The following CNR1 variants were observed in gnomAD, a reference collection of about 807,000 sequenced individuals.
The protein encoded by CNR1 is cannabinoid receptor 1, also known as cannabinoid receptor 1 (brain).
A neutral mutation model predicts 23.0 loss-of-function variants in CNR1; 10 were observed. The observed-to-expected ratio is 0.43, with a 90% CI of 0.27 to 0.74. The LOEUF is 0.74. Among genes scored for constraint, CNR1 ranks in the 30% least tolerant of loss-of-function variants. The pLI is 0.19. For missense variants in CNR1, 422 were observed against 618.8 expected (o/e 0.68, Z 3.37); for synonymous variants, 271 against 255.2 (o/e 1.06, Z -0.59).
chr6:88,155,556 AC>A (rs1463912034), intron 1 of CNR1, among the ~76,000 whole-genome samples: 3 of 152,102 alleles, frequency 2.0e-5, no homozygotes, highest in Non-Finnish European at 4.4e-5. Flanking sequence ...TTAATAAGAC[AC>A]CCTTTCATTC....
chr6:88,166,862 C>CA (rs1409119004), upstream of CNR1, among the ~76,000 whole-genome samples: 1 of 151,306 alleles, frequency 6.6e-6, no homozygotes, highest in East Asian at 2.0e-4. Flanking sequence ...CTCGCGCCCC[C>CA]TCCCTCCGCG....
intron 1 of CNR1, among the ~76,000 whole-genome samples, chr6:88,155,635 T>C (rs1315707694): frequency 1.3e-5 from 2 of 152,218 alleles, no homozygotes; most frequent in African/African-American, 4.8e-5. Flanking sequence ...GATAATTTTA[T>C]ACAGTAAACA....
intron 1 of CNR1, among the ~76,000 whole-genome samples, chr6:88,162,732 C>T (rs1213449780): frequency 2.0e-5 from 3 of 152,174 alleles, no homozygotes; most frequent in Admixed American, 6.5e-5. Flanking sequence ...TACCAGTCTT[C>T]AGTATATAAG....
chr6:88,151,839 T>C (rs1224847366), intron 1 of CNR1, among the ~76,000 whole-genome samples: 1 of 152,072 alleles, frequency 6.6e-6, no homozygotes, highest in Non-Finnish European at 1.5e-5. Flanking sequence ...TATCCAGCCA[T>C]TTGAGAAACT....
chr6:88,155,861 T>C (rs181539434), intron 1 of CNR1, among the ~76,000 whole-genome samples: 1 of 152,346 alleles, frequency 6.6e-6, no homozygotes. Context: ...AGGTGTTTTT[T>C]TGCTTCATTA....
chr6:88,160,433 TTC>T, intron 1 of CNR1, among the ~76,000 whole-genome samples: 1 of 151,202 alleles, frequency 6.6e-6, no homozygotes, highest in Non-Finnish European at 1.5e-5. Flanking sequence ...TTTTTTTCTT[TTC>T]TTTTTTTTTT....
In CNR1 at chr6:88,144,573, C is replaced by A. The variant is rs1291143537; in HGVS notation, c.702G>T (p.Val234=). Residue 234 remains valine, a synonymous_variant, in exon 2 of 2, where the codon GTG becomes GTT. Coordinates refer to ENST00000369501, the MANE Select transcript of CNR1 (RefSeq NM_016083.6). The surrounding 1 kb of genome is among the most constrained non-coding windows in gnomAD (Gnocchi z 7.8). ...YKRIVTRPKA[V]VAFCLMWTIA... ...TGGTCCACATCAGGCAAAACGCCAC[C>A]ACGGCCTTGGGCCTGGTGACAATCC... is the stretch of plus-strand genomic sequence containing the variant. 6.2e-7 allele frequency: 1 copy of A among 1,614,102 alleles called. No homozygotes were observed. The highest frequency in any genetic ancestry group is 1.3e-5 in the African/African-American group (1 of 74,948).
At position 88,145,112 on chromosome 6, in the gene CNR1, C is replaced by T. The variant is rs370946660; in HGVS notation, c.163G>A (p.Gly55Arg). The T allele has an allele frequency of 1.2e-6, 2 of 1,614,140 alleles. No homozygotes were observed. Among genetic ancestry groups the T allele is most frequent in the Non-Finnish European group, 1.7e-6 (2 of 1,180,030 alleles). Residue 55 changes from glycine (G) to arginine (R), a missense_variant, in exon 2 of 2, where the codon GGA becomes AGA. Transcript: ENST00000369501. ...GTCATCTTCTCTTGGAAGGGACTTC[C>T]CCTAAAGGAAGTTAAAGGGAATTTC... ...PQKFPLTSFR[G>R]SPFQEKMTAG...
intron 1 of CNR1, among the ~76,000 whole-genome samples, chr6:88,145,810 A>G (rs1323434307): frequency 6.6e-6 from 1 of 152,200 alleles, no homozygotes. Context: ...TTGTCAGACA[A>G]ATGAGACTAA....
Position 88,166,118 on chromosome 6 carries a change from G to C in CNR1, c.-379C>G, listed in dbSNP as rs1391791476. The C allele has an allele frequency of 1.3e-5, 2 of 152,120 alleles. No homozygotes were observed. Among genetic ancestry groups the C allele is most frequent in the African/African-American group, 4.8e-5 (2 of 41,438 alleles). 9.4% of individuals were successfully genotyped at this position (152,120 alleles called of 1,614,324 possible). On this transcript the variant is annotated 5_prime_UTR_variant, in exon 1 of 2. Coordinates refer to ENST00000369501, the MANE Select transcript of CNR1 (RefSeq NM_016083.6). ...CGGCGGGCGGTCAGCAAGTCAGTCC[G>C]TCCGAGCGCCGGCGTCCCGGTCTCC...
At chr6:88,166,744 A>T (rs964352249), upstream of CNR1, among the ~76,000 whole-genome samples, 3 of 152,020 alleles carry the variant, frequency 2.0e-5, no homozygotes, top group African/African-American at 7.2e-5. Flanking sequence ...GGCAGCGCGC[A>T]TCGCCAACAC....
chr6:88,152,186 G>A (rs1394149390), intron 1 of CNR1, among the ~76,000 whole-genome samples: 1 of 141,400 alleles, frequency 7.1e-6, no homozygotes, highest in East Asian at 2.0e-4. Context: ...CTGCACTCCA[G>A]CCTGGGCGAC....
chr6:88,167,059 G>C (rs887394847), upstream of CNR1, among the ~76,000 whole-genome samples: 27 of 151,970 alleles, frequency 1.8e-4, no homozygotes, highest in East Asian at 3.9e-4. Flanking sequence ...GCCCTTTCCC[G>C]GCGAGACCAC....
rs2127823592 is a variant in CNR1 at position 88,143,015 on chromosome 6, CG to C, written c.*840del. On this transcript the variant is annotated 3_prime_UTR_variant, in exon 2 of 2. Coordinates refer to ENST00000369501, the MANE Select transcript of CNR1 (RefSeq NM_016083.6). Reference sequence around the variant, plus strand: ...AAAGACTAAAGAAAGTCAGAGATGTCGCTCAAAAAAAGTCAATATGCTTTCT... The same window carrying C: ...AAAGACTAAAGAAAGTCAGAGATGTCCTCAAAAAAAGTCAATATGCTTTCT... 6.5e-6 allele frequency: 1 copy of C among 152,676 alleles called. No individual in the cohort carries two copies. The highest frequency in any genetic ancestry group is 2.4e-5 in the African/African-American group (1 of 41,534). 9.5% of individuals were successfully genotyped at this position (152,676 alleles called of 1,614,324 possible). A position where few individuals can be genotyped will look rare whatever the true frequency, so the allele number is the denominator to read the frequency against.
rs1776980237 is a variant in CNR1, at chr6:88,143,918, T to C, written c.1357A>G (p.Thr453Ala). 4.3e-6 allele frequency: 7 copies of C among 1,614,154 alleles called. No homozygotes were observed. The highest frequency in any genetic ancestry group is 5.9e-6 in the Non-Finnish European group (7 of 1,180,030). ...HRAAESCIKS[T>A]VKIAKVTMSV... Reference sequence around the variant, plus strand: ...ATGGTTACCTTGGCAATCTTGACCGTGCTCTTGATGCAGCTTTCTGCGGCC... The same window carrying C: ...ATGGTTACCTTGGCAATCTTGACCGCGCTCTTGATGCAGCTTTCTGCGGCC... Residue 453 changes from threonine (T) to alanine (A), a missense_variant, in exon 2 of 2, where the codon ACG becomes GCG. Thr to Ala is a moderately conservative substitution (Grantham distance 58). This residue lies in a region of CNR1 where 79 missense variants were observed against 98.0 expected (regional missense o/e 0.81). Transcript: ENST00000369501.
chr6:88,144,092 T>C lies in CNR1; in HGVS notation c.1183A>G (p.Ile395Val), dbSNP rs1448047851. 6 of 1,613,964 alleles carry C rather than the reference T, an allele frequency of 3.7e-6. No individual in the cohort carries two copies. Among genetic ancestry groups the C allele is most frequent in the Admixed American group, 1.7e-5 (1 of 60,000 alleles). ...TCCTTACTCCTCAGAGCATAGATGA[T>C]GGGGTTCACGGTGGAGTTCAGCAGG... ...LCLLNSTVNP[I>V]IYALRSKDLR... The change falls in exon 2 of 2, where the codon ATC (isoleucine) becomes GTC (valine). Residue 395 changes from isoleucine to valine, a missense_variant. By Grantham distance (29) the Ile-to-Val change is conservative. Around this residue, in one of 4 missense-constraint regions of CNR1, gnomAD observed 12 missense variants for 45.9 expected, o/e 0.26. Coordinates refer to ENST00000369501, the MANE Select transcript of CNR1 (RefSeq NM_016083.6). The surrounding 1 kb of genome is among the most constrained non-coding windows in gnomAD (Gnocchi z 7.8).
intron 1 of CNR1, among the ~76,000 whole-genome samples, chr6:88,152,214 C>CAAAAAA (rs56141409): frequency 1.2e-4 from 10 of 81,530 alleles, no homozygotes; most frequent in African/African-American, 1.9e-4. Context: ...GACTCCGTCT[C>CAAAAAA]AAAAAAAAAA....
chr6:88,141,822 C>T lies in CNR1; in HGVS notation c.*2034G>A, dbSNP rs1776839524. On this transcript the variant is annotated 3_prime_UTR_variant, in exon 2 of 2. Transcript: ENST00000369501. ...GTGAACCGTAAGAAGGGGAACTGCC[C>T]CATCAGGCTGCTTGGGTATCTCGAG... 6.6e-6 allele frequency: 1 copy of T among 152,334 alleles called. No homozygotes were observed. The highest frequency in any genetic ancestry group is 2.4e-5 in the African/African-American group (1 of 41,440). 9.4% of individuals were successfully genotyped at this position (152,334 alleles called of 1,614,324 possible).
chr6:88,159,815 G>A (rs1315076657), intron 1 of CNR1, among the ~76,000 whole-genome samples: 2 of 152,136 alleles, frequency 1.3e-5, no homozygotes, highest in Non-Finnish European at 2.9e-5. Context: ...GCATTTCAAT[G>A]AGCTGAAAAT....
Sources: allele counts gnomAD v4.1 joint callset (sites outside exome capture counted in the v4.1 genomes callset), GRCh38; gene constraint gnomAD v4.1.1; regional missense constraint gnomAD v4.1.1; non-coding constraint Gnocchi (gnomAD v3.1); transcripts MANE v1.5; gene names NCBI Gene and HGNC (gene_info 2026-07-23, HGNC 2026-07-21).